The following LRRTM3 variants were observed in gnomAD, a reference collection of about 807,000 sequenced individuals.
LRRTM3 encodes leucine rich repeat transmembrane neuronal 3, also known as leucine-rich repeat transmembrane neuronal protein 3.
LRRTM3 carries 24 observed loss-of-function variants against 44.7 expected under a neutral mutation model. The observed-to-expected ratio is 0.54, with a 90% CI of 0.39 to 0.76. The LOEUF (loss-of-function observed/expected upper bound fraction) is 0.76. Among genes scored for constraint, LRRTM3 ranks in the 30% least tolerant of loss-of-function variants. LRRTM3 has a pLI of 0.00. For missense variants in LRRTM3, 587 were observed against 702.2 expected (o/e 0.84, Z 1.85); for synonymous variants, 277 against 278.7 (o/e 0.99, Z 0.06).
chr10:67,046,953 TA>T (rs1854790956), intron 2 of LRRTM3, among the ~76,000 whole-genome samples: 3 of 152,152 alleles, frequency 2.0e-5, no homozygotes, highest in Non-Finnish European at 4.4e-5. Flanking sequence ...AAGAAATAAT[TA>T]CCAATTTAGA....
chr10:66,979,269 T>C (rs1303078121), intron 2 of LRRTM3, among the ~76,000 whole-genome samples: 1 of 152,062 alleles, frequency 6.6e-6, no homozygotes, highest in Non-Finnish European at 1.5e-5. Flanking sequence ...TGCCTGGTCA[T>C]AACTATTTCT....
At chr10:67,058,154 A>G (rs975618517) in intron 2 of LRRTM3, among the ~76,000 whole-genome samples, 3 of 152,162 alleles carry the variant, frequency 2.0e-5, no homozygotes, top group African/African-American at 7.2e-5. Flanking sequence ...TACAGTTCCT[A>G]TAATCTTAGG....
At chr10:67,048,651 GA>G (rs1294134069) in intron 2 of LRRTM3, among the ~76,000 whole-genome samples, 4 of 152,082 alleles carry the variant, frequency 2.6e-5, no homozygotes, top group Admixed American at 1.3e-4. Flanking sequence ...GAGAGCTGCA[GA>G]AAACCCTATG....
rs1019301133 is a variant in LRRTM3, at chr10:66,968,378, A to G, written c.1536+39926A>G. Among the ~76,000 whole-genome samples the G allele has an allele frequency of 4.0e-5, 6 of 150,148 alleles. No individual in the cohort carries two copies. The East Asian group carries it at 7.7e-4, about 19-fold the overall frequency. On this transcript the variant is annotated intron_variant, in intron 2 of 2. Coordinates refer to ENST00000361320, the MANE Select transcript of LRRTM3 (RefSeq NM_178011.5). ...TATATATAAAACACATCGAAAAAAG[A>G]TATACATACATATTAGTTTGACATT...
At chr10:66,935,767 T>C (rs917248013) in intron 2 of LRRTM3, among the ~76,000 whole-genome samples, 11 of 150,660 alleles carry the variant, frequency 7.3e-5, no homozygotes, top group Non-Finnish European at 1.5e-4. Flanking sequence ...TTTTATGCGT[T>C]TCGTAAACTC....
intron 2 of LRRTM3, among the ~76,000 whole-genome samples, chr10:67,095,932 TA>T (rs1857963430): frequency 1.3e-5 from 2 of 151,884 alleles, no homozygotes; most frequent in Non-Finnish European, 2.9e-5. Context: ...TTATTTATTT[TA>T]AATGGAAGTA....
chr10:67,052,466 C>T (rs1855171912), intron 2 of LRRTM3: 1 of 152,150 alleles, frequency 6.6e-6, no homozygotes, highest in Non-Finnish European at 1.5e-5. Flanking sequence ...TTATTCTAAT[C>T]CAAATAATAT....
chr10:67,040,880 A>G (rs1360446374), intron 2 of LRRTM3, among the ~76,000 whole-genome samples: 3 of 152,160 alleles, frequency 2.0e-5, no homozygotes, highest in Non-Finnish European at 4.4e-5. Flanking sequence ...GACATACACC[A>G]AAGAGACAAA....
At position 67,097,725 on chromosome 10, in the gene LRRTM3, G is replaced by C; in HGVS notation, c.1675G>C (p.Glu559Gln). The change falls in exon 3 of 3, where the codon GAG (glutamate) becomes CAG (glutamine). Residue 559 changes from glutamate to glutamine, a missense_variant. Physicochemically the swap from Glu to Gln is conservative, Grantham distance 29. This residue lies in a region of LRRTM3 where 315 missense variants were observed against 335.6 expected (regional missense o/e 0.94). Coordinates refer to ENST00000361320, the MANE Select transcript of LRRTM3 (RefSeq NM_178011.5). ...GGAAGATACGATGGAAACACACCTA[G>C]AGACTGAGCTGGACCTGAGCACAAT... ...AQEDTMETHL[E>Q]TELDLSTITT... is the part of the protein sequence containing the mutation. The C allele has an allele frequency of 6.2e-7, 1 of 1,612,636 alleles. No individual in the cohort carries two copies. The highest frequency in any genetic ancestry group is 8.5e-7 in the Non-Finnish European group (1 of 1,179,044).
intron 2 of LRRTM3, among the ~76,000 whole-genome samples, chr10:67,074,186 C>A (rs982472356): frequency 6.6e-6 from 1 of 151,546 alleles, no homozygotes; most frequent in African/African-American, 2.4e-5. Flanking sequence ...GCACGTGCCA[C>A]CATGACCAGC....
intron 2 of LRRTM3, among the ~76,000 whole-genome samples, chr10:67,019,826 C>G (rs543398156): frequency 2.6e-5 from 4 of 152,242 alleles, no homozygotes; most frequent in African/African-American, 9.6e-5. Flanking sequence ...AAATTCTAAG[C>G]GTCCGTTTAT....
rs1018770076 is a variant in LRRTM3 at position 67,028,639 on chromosome 10, A to G, written c.1537-68948A>G. On this transcript the variant is annotated intron_variant, in intron 2 of 2. Transcript: ENST00000361320. ...TCAGAGATAACTGATACAACAAGCT[A>G]GTTCTACTTAAAAAAAAAAAAAAAA... 1.3e-4 allele frequency among the ~76,000 whole-genome samples: 14 copies of G among 105,958 alleles called. No individual in the cohort carries two copies. The Admixed American group carries it at 1.8e-3, about 13-fold the overall frequency. The allele number at this position is 105,958 out of a possible 152,430, so 69.5% of individuals were successfully genotyped here. A position where few individuals can be genotyped will look rare whatever the true frequency, so the allele number is the denominator to read the frequency against.
chr10:67,002,277 C>T (rs977578683), intron 2 of LRRTM3, among the ~76,000 whole-genome samples: 1 of 152,126 alleles, frequency 6.6e-6, no homozygotes, highest in Non-Finnish European at 1.5e-5. Flanking sequence ...AAACTGCCCT[C>T]GCCTTTGCCA....
intron 2 of LRRTM3, among the ~76,000 whole-genome samples, chr10:66,969,571 C>T (rs571201419): frequency 6.6e-6 from 1 of 152,096 alleles, no homozygotes; most frequent in African/African-American, 2.4e-5. Flanking sequence ...CATTTTTGAT[C>T]CATAACACCA....
chr10:66,966,876 G>A (rs1315761228), intron 2 of LRRTM3, among the ~76,000 whole-genome samples: 1 of 152,018 alleles, frequency 6.6e-6, no homozygotes, highest in Non-Finnish European at 1.5e-5. Flanking sequence ...GACATGTTTA[G>A]TAGCTTTTCC....
At chr10:66,961,554 G>A (rs553195497) in intron 2 of LRRTM3, among the ~76,000 whole-genome samples, 15 of 151,944 alleles carry the variant, frequency 9.9e-5, no homozygotes, top group African/African-American at 3.1e-4. Flanking sequence ...GGTGTCCCAG[G>A]TTAGCCCTTG....
Position 67,097,818 on chromosome 10 carries a change from G to A in LRRTM3, c.*22G>A, listed in dbSNP as rs773150409. Reference sequence around the variant, plus strand: ...TTAACTGAGATCATTGGTAGCCAGGGGTTGCTACCAAACTTTGTAACCTCA... The same window carrying A: ...TTAACTGAGATCATTGGTAGCCAGGAGTTGCTACCAAACTTTGTAACCTCA... On this transcript the variant is annotated 3_prime_UTR_variant, in exon 3 of 3. Transcript: ENST00000361320. 4 of 1,606,154 alleles carry A rather than the reference G, an allele frequency of 2.5e-6. No individual in the cohort carries two copies. Among genetic ancestry groups the A allele is most frequent in the East Asian group, 2.2e-5 (1 of 44,782 alleles).
intron 2 of LRRTM3, among the ~76,000 whole-genome samples, chr10:67,084,563 C>T (rs1474352318): frequency 1.3e-5 from 2 of 151,862 alleles, no homozygotes; most frequent in African/African-American, 4.8e-5. Flanking sequence ...AGAAAATTTC[C>T]TGATCCTACA....
intron 2 of LRRTM3, among the ~76,000 whole-genome samples, chr10:67,018,354 C>T (rs1365726680): frequency 6.6e-6 from 1 of 152,168 alleles, no homozygotes; most frequent in Non-Finnish European, 1.5e-5. Context: ...CTTCACCCAA[C>T]TTTTTAAAGG....
Sources: allele counts gnomAD v4.1 joint callset (sites outside exome capture counted in the v4.1 genomes callset), GRCh38; gene constraint gnomAD v4.1.1; regional missense constraint gnomAD v4.1.1; transcripts MANE v1.5; gene names NCBI Gene and HGNC (gene_info 2026-07-23, HGNC 2026-07-21).